PLEKHG3: variants seen among roughly 807,000 people sequenced by gnomAD.
PLEKHG3 encodes pleckstrin homology domain-containing family G member 3.
A neutral mutation model predicts 94.9 loss-of-function variants in PLEKHG3; 62 were observed. The observed-to-expected ratio is 0.65, with a 90% confidence interval of 0.53 to 0.81. PLEKHG3 has a LOEUF of 0.81. Ranked by LOEUF, PLEKHG3 falls within the 30% of genes least tolerant of loss-of-function variation. The pLI is 0.00. For synonymous variants in PLEKHG3, 614 were observed against 654.0 expected (o/e 0.94, Z 0.93); for missense variants, 1,461 against 1,619.3 (o/e 0.90, Z 1.68).
rs1345255007 is a variant in PLEKHG3, at chr14:64,721,153, T to TA, written c.-39-6439dup. Among the ~76,000 whole-genome samples, 2 of 152,264 alleles carry TA rather than the reference T, an allele frequency of 1.3e-5. No individual in the cohort carries two copies. The highest frequency in any genetic ancestry group is 3.8e-4 in the East Asian group (2 of 5,206). On this transcript the variant is annotated intron_variant, in intron 1 of 16. Transcript: ENST00000247226. This position sits in a 1 kb window ranked among gnomAD's most constrained non-coding sequence, Gnocchi z 4.3. ...CCTTGGGTGGGGGCATTATTCAGCT[T>TA]ACACTAGTGTGTATGTTGGGAAATG...
rs756315756 is a variant in PLEKHG3 at position 64,716,967 on chromosome 14, G to A, written c.-39-10626G>A. ...TGGATGAGTTTCTTAGGCGTCTCTG[G>A]TGAGGCCCCTTAGTAGGGGAAGCGG... On this transcript the variant is annotated intron_variant, in intron 1 of 16. Coordinates refer to ENST00000247226, the MANE Select transcript of PLEKHG3 (RefSeq NM_001308147.2). The surrounding 1 kb of genome is among the most constrained non-coding windows in gnomAD (Gnocchi z 5.0). Among the ~76,000 whole-genome samples the A allele has an allele frequency of 1.3e-5, 2 of 152,216 alleles. No individual in the cohort carries two copies. Among genetic ancestry groups the A allele is most frequent in the Non-Finnish European group, 2.9e-5 (2 of 68,034 alleles).
chr14:64,728,160 A>T lies in PLEKHG3; in HGVS notation c.351+178A>T, dbSNP rs540337688. Among the ~76,000 whole-genome samples the T allele has an allele frequency of 1.4e-4, 22 of 152,334 alleles. No homozygotes were observed. In the South Asian group the frequency reaches 4.6e-3, roughly 32 times the overall value. On this transcript the variant is annotated intron_variant, in intron 2 of 16. Coordinates refer to ENST00000247226, the MANE Select transcript of PLEKHG3 (RefSeq NM_001308147.2). This position sits in a 1 kb window ranked among gnomAD's most constrained non-coding sequence, Gnocchi z 5.9. ...AGGCTTCCCTAGGACCTTGGGCCAG[A>T]TCAGTAGCTTGGGCCGACAGGAGTG...
intron 1 of PLEKHG3, among the ~76,000 whole-genome samples, chr14:64,719,639 C>T (rs952344272): frequency 1.3e-5 from 2 of 151,986 alleles, no homozygotes; most frequent in South Asian, 2.1e-4. Flanking sequence ...TCTTTTCTGC[C>T]GAGGAAGCAG....
rs2081467024 is a variant in PLEKHG3 at position 64,731,638 on chromosome 14, A to C, written c.1033-76A>C. On this transcript the variant is annotated intron_variant, in intron 8 of 16. Transcript: ENST00000247226. The surrounding 1 kb of genome is among the most constrained non-coding windows in gnomAD (Gnocchi z 6.1). ...GTCTGCTTCTTGGGGCTCCAGCACC[A>C]CCCTTCTGAGATCACCCTCCCTGCT... is the stretch of plus-strand genomic sequence containing the variant. 3 of 1,516,614 alleles carry C rather than the reference A, an allele frequency of 2.0e-6. No individual in the cohort carries two copies. The highest frequency in any genetic ancestry group is 2.7e-5 in the African/African-American group (2 of 72,910). The allele number at this position is 1,516,614 out of a possible 1,614,324, so 93.9% of individuals were successfully genotyped here.
chr14:64,737,626 G>T (rs908269933), intron 14 of PLEKHG3, among the ~76,000 whole-genome samples: 1 of 152,256 alleles, frequency 6.6e-6, no homozygotes, highest in African/African-American at 2.4e-5. Flanking sequence ...GACCTACTCA[G>T]ATTTCCCTCT....
chr14:64,735,930 C>T (rs1431391507), intron 12 of PLEKHG3, among the ~76,000 whole-genome samples: 1 of 152,250 alleles, frequency 6.6e-6, no homozygotes, highest in Non-Finnish European at 1.5e-5. Flanking sequence ...CTACTTTTCA[C>T]TTTAAAAACA....
chr14:64,726,612 G>C lies in PLEKHG3; in HGVS notation c.-39-981G>C, dbSNP rs1054335119. Among the ~76,000 whole-genome samples, 2 of 152,178 alleles carry C rather than the reference G, an allele frequency of 1.3e-5. No individual in the cohort carries two copies. The highest frequency in any genetic ancestry group is 2.9e-5 in the Non-Finnish European group (2 of 68,032). ...CCACACCATCTGCTTTGGGAATAAA[G>C]TCCACCTGAGGCTCTGTTTGCCTCA... On this transcript the variant is annotated intron_variant, in intron 1 of 16. Coordinates refer to ENST00000247226, the MANE Select transcript of PLEKHG3 (RefSeq NM_001308147.2). This position sits in a 1 kb window ranked among gnomAD's most constrained non-coding sequence, Gnocchi z 5.1.
In PLEKHG3 at chr14:64,728,359, C is replaced by T. The variant is rs1425436689; in HGVS notation, c.351+377C>T. 6.6e-6 allele frequency among the ~76,000 whole-genome samples: 1 copy of T among 152,222 alleles called. No individual in the cohort carries two copies. The highest frequency in any genetic ancestry group is 2.1e-4 in the South Asian group (1 of 4,834). ...CAGGTTCCTCCTCTGTAAGAGGAAG[C>T]GACACCTACCTTGTAGGTGAAGGGC... is the stretch of plus-strand genomic sequence containing the variant. On this transcript the variant is annotated intron_variant, in intron 2 of 16. Transcript: ENST00000247226. The surrounding 1 kb of genome is among the most constrained non-coding windows in gnomAD (Gnocchi z 5.9).
chr14:64,730,634 C>T lies in PLEKHG3; in HGVS notation c.520-8C>T. ...TCCCTGAAATCACTATTTTTGATCTCTTCTTAGAGCCAAGAGTTTGATATC... is the reference window on the plus strand; with the variant it reads ...TCCCTGAAATCACTATTTTTGATCTTTTCTTAGAGCCAAGAGTTTGATATC... On this transcript the variant is annotated splice_polypyrimidine_tract_variant and splice_region_variant and intron_variant, in intron 4 of 16. Coordinates refer to ENST00000247226, the MANE Select transcript of PLEKHG3 (RefSeq NM_001308147.2). This position sits in a 1 kb window ranked among gnomAD's most constrained non-coding sequence, Gnocchi z 5.4. The T allele has an allele frequency of 6.2e-7, 1 of 1,606,410 alleles. No individual in the cohort carries two copies. Among genetic ancestry groups the T allele is most frequent in the Non-Finnish European group, 8.5e-7 (1 of 1,174,380 alleles).
rs1363094337 is a variant in PLEKHG3 at position 64,728,418 on chromosome 14, AGCCCTCT to A, written c.351+441_351+447del. Among the ~76,000 whole-genome samples, 2 of 152,370 alleles carry A rather than the reference AGCCCTCT, an allele frequency of 1.3e-5. No individual in the cohort carries two copies. The highest frequency in any genetic ancestry group is 3.9e-4 in the East Asian group (2 of 5,188). Reference sequence around the variant, plus strand: ...GCAGCTGTGTGGCTGCCACTGAGGAAGCCCTCTGCCCCACTGGCTCAGGGCGTGGATT... The same window carrying A: ...GCAGCTGTGTGGCTGCCACTGAGGAAGCCCCACTGGCTCAGGGCGTGGATT... On this transcript the variant is annotated intron_variant, in intron 2 of 16. Coordinates refer to ENST00000247226, the MANE Select transcript of PLEKHG3 (RefSeq NM_001308147.2). This position sits in a 1 kb window ranked among gnomAD's most constrained non-coding sequence, Gnocchi z 5.9.
In PLEKHG3 at chr14:64,738,820, C is replaced by T. The variant is rs375116826; in HGVS notation, c.1483C>T (p.Arg495Cys). The T allele has an allele frequency of 7.5e-6, 12 of 1,595,922 alleles. No homozygotes were observed. The highest frequency in any genetic ancestry group is 1.6e-4 in the Middle Eastern group (1 of 6,064). The stretch of plus-strand genomic sequence containing the variant: ...CCGGTCTCCAACCAGTACTGAGAAG[C>T]GCATGAGCTTCGAGTCCATTTCTTC... ...SGRSPTSTEK[R>C]MSFESISSLP... The change falls in exon 15 of 17, where the codon CGC (arginine) becomes TGC (cysteine). Residue 495 changes from arginine (R) to cysteine (C), a missense_variant. This residue lies in a region of PLEKHG3 where 1,201 missense variants were observed against 1,295.5 expected (regional missense o/e 0.93). Transcript: ENST00000247226. The surrounding 1 kb of genome is among the most constrained non-coding windows in gnomAD (Gnocchi z 4.8).
Position 64,749,769 on chromosome 14 carries a change from C to G in PLEKHG3, c.*6066C>G. 7.0e-6 allele frequency: 11 copies of G among 1,571,862 alleles called. No individual in the cohort carries two copies. Among genetic ancestry groups the G allele is most frequent in the Non-Finnish European group, 9.5e-6 (11 of 1,151,910 alleles). On this transcript the variant is annotated 3_prime_UTR_variant, in exon 17 of 17. Transcript: ENST00000247226. The surrounding 1 kb of genome is among the most constrained non-coding windows in gnomAD (Gnocchi z 4.7). Reference sequence around the variant, plus strand: ...CGCTGGGCAGAGGGCTGGCTCTGATCCCACAATACCCTGAGCCGAACATCC... The same window carrying G: ...CGCTGGGCAGAGGGCTGGCTCTGATGCCACAATACCCTGAGCCGAACATCC...
intron 1 of PLEKHG3, among the ~76,000 whole-genome samples, chr14:64,712,096 T>C (rs1471082697): frequency 6.6e-6 from 1 of 152,272 alleles, no homozygotes; most frequent in Non-Finnish European, 1.5e-5. Context: ...TCTTTCTCTA[T>C]TGAATTGTCT....
At chr14:64,736,698 G>C (rs113330530) in intron 12 of PLEKHG3, among the ~76,000 whole-genome samples, 155 bp from the exon 13 acceptor site, 1,696 of 152,316 alleles carry the variant, frequency 0.011, 44 homozygotes, top group African/African-American at 0.039. Flanking sequence ...CGCCGACACT[G>C]TGGAAGGCAG....
Position 64,731,665 on chromosome 14 carries a change from C to T in PLEKHG3, c.1033-49C>T. ...CCTTCTGAGATCACCCTCCCTGCTT[C>T]CCCAGGCTGTCAACCTTGTGCTTGA... On this transcript the variant is annotated intron_variant, in intron 8 of 16. Coordinates refer to ENST00000247226, the MANE Select transcript of PLEKHG3 (RefSeq NM_001308147.2). This position sits in a 1 kb window ranked among gnomAD's most constrained non-coding sequence, Gnocchi z 6.1. 1 of 1,532,720 alleles carries T rather than the reference C, an allele frequency of 6.5e-7. No homozygotes were observed. Among genetic ancestry groups the T allele is most frequent in the Non-Finnish European group, 9.0e-7 (1 of 1,106,014 alleles). The allele number at this position is 1,532,720 out of a possible 1,614,324, so 94.9% of individuals were successfully genotyped here.
chr14:64,736,025 G>A (rs1349410151), intron 12 of PLEKHG3, among the ~76,000 whole-genome samples: 3 of 152,256 alleles, frequency 2.0e-5, no homozygotes, highest in East Asian at 1.9e-4. Flanking sequence ...AGGCCTGCCT[G>A]CTGAGGAACA....
intron 1 of PLEKHG3, among the ~76,000 whole-genome samples, chr14:64,707,932 A>G (rs2080998849): frequency 6.6e-6 from 1 of 152,236 alleles, no homozygotes; most frequent in African/African-American, 2.4e-5. Context: ...ACAGTGAGAT[A>G]ACGTATGTTG....
At chr14:64,707,042 A>G (rs528645754) in intron 1 of PLEKHG3, among the ~76,000 whole-genome samples, 16 of 152,126 alleles carry the variant, frequency 1.1e-4, no homozygotes, top group Non-Finnish European at 2.1e-4. Context: ...CCCCTCCCCC[A>G]TCTCAGGCCG....
Position 64,727,619 on chromosome 14 carries a change from C to G in PLEKHG3, c.-13C>G. On this transcript the variant is annotated 5_prime_UTR_variant, in exon 2 of 17. Coordinates refer to ENST00000247226, the MANE Select transcript of PLEKHG3 (RefSeq NM_001308147.2). The surrounding 1 kb of genome is among the most constrained non-coding windows in gnomAD (Gnocchi z 6.0). ...ATCTCCCTGGGGTGCCCTCCCCAGG[C>G]AGCAATGCCAGGATGCCTGTGTCCA... 6.4e-7 allele frequency: 1 copy of G among 1,559,574 alleles called. No homozygotes were observed. The highest frequency in any genetic ancestry group is 8.8e-7 in the Non-Finnish European group (1 of 1,132,946).
Sources: gnomAD v4.1 joint callset for allele counts (sites outside exome capture counted in the v4.1 genomes callset) on GRCh38, gnomAD v4.1.1 for gene constraint, gnomAD v4.1.1 regional missense constraint, Gnocchi (gnomAD v3.1) non-coding constraint, MANE v1.5 for transcripts, NCBI Gene and HGNC (gene_info 2026-07-23, HGNC 2026-07-21) for gene names.